Variants in TFDP2 observed in about 807,000 individuals in gnomAD.
TFDP2 encodes the protein transcription factor Dp-2 (E2F dimerization partner 2).
TFDP2 carries 17 observed loss-of-function variants against 59.3 expected under a neutral mutation model. The observed-to-expected ratio is 0.29, with a 90% confidence interval of 0.20 to 0.43. The LOEUF (loss-of-function observed/expected upper bound fraction) is 0.43. Ranked by LOEUF, TFDP2 falls within the 20% of genes least tolerant of loss-of-function variation. The probability of loss-of-function intolerance (pLI) is 1.00; values close to 1 mark genes in which losing one functional copy is unlikely to be tolerated. For missense variants in TFDP2, 391 were observed against 528.8 expected (o/e 0.74, Z 2.56); for synonymous variants, 180 against 194.7 (o/e 0.92, Z 0.63).
At chr3:142,085,880 C>T (rs1384880105) in intron 3 of TFDP2, among the ~76,000 whole-genome samples, 1 of 152,158 alleles carries the variant, frequency 6.6e-6, no homozygotes, top group Non-Finnish European at 1.5e-5. Flanking sequence ...GAAATCTCTA[C>T]CCATTATCTA....
rs1228555303 is a variant in TFDP2 at position 142,101,761 on chromosome 3, T to C, written c.-12A>G. 2 of 1,335,118 alleles carry C rather than the reference T, an allele frequency of 1.5e-6. No homozygotes were observed. Among genetic ancestry groups the C allele is most frequent in the African/African-American group, 1.5e-5 (1 of 68,568 alleles). The allele number at this position is 1,335,118 out of a possible 1,614,324, so 82.7% of individuals were successfully genotyped here. On this transcript the variant is annotated 5_prime_UTR_variant, in exon 2 of 13. Transcript: ENST00000489671. The stretch of plus-strand genomic sequence containing the variant: ...TTTTTTGCCGTCATGTCAAACTGTA[T>C]TCTATTTAAGATTCTGTAAAGCCAT...
intron 3 of TFDP2, among the ~76,000 whole-genome samples, chr3:142,066,500 A>T (rs1366355515): frequency 1.3e-5 from 2 of 152,244 alleles, no homozygotes; most frequent in Non-Finnish European, 2.9e-5. Context: ...TTTATAATAA[A>T]GTGTTGAATA....
At chr3:142,109,260 T>C (rs2061569095) in intron 1 of TFDP2, among the ~76,000 whole-genome samples, 2 of 152,216 alleles carry the variant, frequency 1.3e-5, no homozygotes, top group Non-Finnish European at 1.5e-5. Flanking sequence ...CCATTCAGTA[T>C]GACTTGGCAG....
intron 3 of TFDP2, among the ~76,000 whole-genome samples, chr3:142,088,169 A>C (rs1181260536): frequency 6.6e-6 from 1 of 152,176 alleles, no homozygotes; most frequent in African/African-American, 2.4e-5. Context: ...TATTCAATAA[A>C]TATTTGCTGA....
chr3:142,030,222 G>C (rs2108404203), intron 3 of TFDP2, among the ~76,000 whole-genome samples: 1 of 152,172 alleles, frequency 6.6e-6, no homozygotes, highest in South Asian at 2.1e-4. Flanking sequence ...AATTAAACTG[G>C]GTTGTAAACA....
At chr3:142,085,111 G>A (rs1283296392) in intron 3 of TFDP2, among the ~76,000 whole-genome samples, 11 of 152,144 alleles carry the variant, frequency 7.2e-5, no homozygotes, top group African/African-American at 2.6e-4. Flanking sequence ...AGTAGAGACA[G>A]GGTTTCACCA....
intron 3 of TFDP2, among the ~76,000 whole-genome samples, chr3:142,027,592 A>C (rs1946189379): frequency 6.6e-6 from 1 of 152,230 alleles, no homozygotes; most frequent in Non-Finnish European, 1.5e-5. Context: ...TATTAAAAAC[A>C]TCATAGTTTA....
chr3:142,142,049 T>C (rs1029257777), intron 1 of TFDP2, among the ~76,000 whole-genome samples: 1 of 152,180 alleles, frequency 6.6e-6, no homozygotes, highest in Admixed American at 6.5e-5. Context: ...ATGACAAGCA[T>C]GCCCACTGTC....
At chr3:141,968,868 TC>T (rs1938924877) in intron 9 of TFDP2, among the ~76,000 whole-genome samples, 2 of 85,064 alleles carry the variant, frequency 2.4e-5, no homozygotes, top group African/African-American at 1.0e-4. Flanking sequence ...CATATATATC[TC>T]ATATATATAG....
intron 3 of TFDP2, among the ~76,000 whole-genome samples, chr3:142,020,379 T>TA: frequency 6.6e-6 from 1 of 151,990 alleles, no homozygotes; most frequent in East Asian, 1.9e-4. Flanking sequence ...ACTAAAAATA[T>TA]AAAAAATTAG....
At chr3:142,127,930 G>A (rs1417818533) in intron 1 of TFDP2, among the ~76,000 whole-genome samples, 1 of 152,110 alleles carries the variant, frequency 6.6e-6, no homozygotes, top group Non-Finnish European at 1.5e-5. Context: ...GCTGAGCCCA[G>A]TGGCTCACAC....
At chr3:141,955,698 A>G (rs542207724) in intron 11 of TFDP2, among the ~76,000 whole-genome samples, 2 of 152,262 alleles carry the variant, frequency 1.3e-5, no homozygotes, top group Non-Finnish European at 2.9e-5. Context: ...GATTTAATGT[A>G]TCTTAGACCT....
At chr3:142,034,152 A>G (rs553256699) in intron 3 of TFDP2, among the ~76,000 whole-genome samples, 1 of 142,512 alleles carries the variant, frequency 7.0e-6, no homozygotes, top group South Asian at 2.2e-4. Context: ...CTGGAGTGCA[A>G]TGGCGTGATC....
chr3:142,028,753 C>T (rs1946277065), intron 3 of TFDP2: 2 of 982,138 alleles, frequency 2.0e-6, no homozygotes, highest in South Asian at 9.4e-5. Flanking sequence ...GTTTAGTTAA[C>T]TGGCTTTCAA....
chr3:142,089,984 A>C lies in TFDP2; in HGVS notation c.82+3077T>G, dbSNP rs184697819. On this transcript the variant is annotated intron_variant, in intron 3 of 12. Coordinates refer to ENST00000489671, the MANE Select transcript of TFDP2 (RefSeq NM_001178139.2). Reference sequence around the variant, plus strand: ...CATTGCTACATCATCATTTCAATTAAGAAAAATACTTTTCTACATCTCACT... The same window carrying C: ...CATTGCTACATCATCATTTCAATTACGAAAAATACTTTTCTACATCTCACT... Among the ~76,000 whole-genome samples, 529 of 152,284 alleles carry C rather than the reference A, an allele frequency of 3.5e-3. 14 individuals carry two copies. The highest frequency in any genetic ancestry group is 9.6e-4 in the East Asian group (5 of 5,190).
chr3:142,055,546 A>C (rs1175304595), intron 3 of TFDP2, among the ~76,000 whole-genome samples: 1 of 152,162 alleles, frequency 6.6e-6, no homozygotes, highest in Non-Finnish European at 1.5e-5. Flanking sequence ...AACATGACAA[A>C]TTTGCCCAAG....
intron 3 of TFDP2, among the ~76,000 whole-genome samples, chr3:142,047,373 A>G (rs1356785551): frequency 6.6e-6 from 1 of 152,218 alleles, no homozygotes. Context: ...GGTGTGAATT[A>G]TAATAACACT....
At position 142,127,538 on chromosome 3, in the gene TFDP2, A is replaced by C. The variant is rs561124393; in HGVS notation, c.-93+21645T>G. Among the ~76,000 whole-genome samples the C allele has an allele frequency of 2.0e-5, 3 of 152,046 alleles. No homozygotes were observed. The South Asian group carries it at 6.2e-4, about 32-fold the overall frequency. Reference sequence around the variant, plus strand: ...TTTTTAGTAGGGATGGGGTTTCACCATGTTGGCCAGGATGGTCTCCATCTC... The same window carrying C: ...TTTTTAGTAGGGATGGGGTTTCACCCTGTTGGCCAGGATGGTCTCCATCTC... On this transcript the variant is annotated intron_variant, in intron 1 of 12. Coordinates refer to ENST00000489671, the MANE Select transcript of TFDP2 (RefSeq NM_001178139.2).
chr3:142,105,308 G>A (rs75312184), intron 1 of TFDP2, among the ~76,000 whole-genome samples: 7,585 of 152,102 alleles, frequency 0.05, 614 homozygotes, highest in African/African-American at 0.17. Flanking sequence ...ACAAGCTGAA[G>A]TGGCAATGTG....
Sources: allele counts gnomAD v4.1 joint callset (sites outside exome capture counted in the v4.1 genomes callset), GRCh38; gene constraint gnomAD v4.1.1; transcripts MANE v1.5; gene names NCBI Gene and HGNC (gene_info 2026-07-23, HGNC 2026-07-21).